The following ZNF469 variants were observed in gnomAD, a reference collection of about 807,000 sequenced individuals.
ZNF469 encodes the protein zinc finger protein 469.
A neutral mutation model predicts 1.0 loss-of-function variants in ZNF469; 1 was observed. That is an observed-to-expected ratio of 1.00 (90% confidence interval 0.35 to 4.73). The LOEUF is 4.73. ZNF469 is among the 30% of genes most tolerant of loss of function. The pLI is 0.16. For missense variants in ZNF469, 6,100 were observed against 5,356.3 expected, an observed-to-expected ratio of 1.14 and a Z score of -4.33; for synonymous variants, 2,703 against 2,363.4, an observed-to-expected ratio of 1.14 and a Z score of -4.17.
chr16:88,274,583 G>A, the ZNF469 span, among the ~76,000 whole-genome samples: 1 of 152,234 alleles, frequency 6.6e-6, no homozygotes, highest in South Asian at 2.1e-4. Context: ...GGGAGGGCAG[G>A]CCGTGTCCTG....
chr16:88,245,758 C>T, the ZNF469 span, among the ~76,000 whole-genome samples: 1 of 152,270 alleles, frequency 6.6e-6, no homozygotes, highest in Admixed American at 6.5e-5. Flanking sequence ...TTTGTTTACT[C>T]TGGATCAGAG....
chr16:88,335,653 C>T, the ZNF469 span, among the ~76,000 whole-genome samples: 1 of 152,242 alleles, frequency 6.6e-6, no homozygotes, highest in Non-Finnish European at 1.5e-5. Flanking sequence ...ATTAGCTCTG[C>T]CTCCTGATGG....
chr16:88,430,283 C>G lies in ZNF469; in HGVS notation c.2813C>G (p.Ala938Gly). Reference protein sequence around the residue: ...SLGLAPTEADAPSQGRQQRRG... With the variant: ...SLGLAPTEADGPSQGRQQRRG... ...GGTCTGGCCCCCACCGAGGCGGATG[C>G]GCCCAGCCAGGGCAGGCAGCAGAGG... Residue 938 changes from alanine to glycine, a missense_variant, in exon 3 of 3, where the codon GCG (alanine) becomes GGG (glycine). Ala to Gly is a moderately conservative substitution (Grantham distance 60, BLOSUM62 0). Coordinates refer to ENST00000565624, the MANE Select transcript of ZNF469 (RefSeq NM_001367624.2). 12 of 1,514,032 alleles carry G rather than the reference C, an allele frequency of 7.9e-6. No individual in the cohort carries two copies. Among genetic ancestry groups the G allele is most frequent in the Non-Finnish European group, 1.1e-5 (12 of 1,133,118 alleles). 93.8% of individuals were successfully genotyped at this position (1,514,032 alleles called of 1,614,324 possible).
the ZNF469 span, among the ~76,000 whole-genome samples, chr16:88,247,944 C>T: frequency 5.3e-5 from 8 of 152,214 alleles, no homozygotes; most frequent in Non-Finnish European, 7.3e-5. Context: ...ACCCTCGGAA[C>T]GTATAAGCAT....
chr16:88,118,240 G>C, the ZNF469 span, among the ~76,000 whole-genome samples: 141 of 152,342 alleles, frequency 9.3e-4, no homozygotes, highest in African/African-American at 3.4e-3. Context: ...ACTGCACCCG[G>C]CTCCTATCTT....
the ZNF469 span, among the ~76,000 whole-genome samples, chr16:88,264,537 C>T: frequency 2.0e-5 from 3 of 151,228 alleles, no homozygotes; most frequent in Admixed American, 2.0e-4. Flanking sequence ...ACCTGCTGAG[C>T]TCAGCCCTGG....
At chr16:88,210,971 T>C in the ZNF469 span, among the ~76,000 whole-genome samples, 1 of 152,272 alleles carries the variant, frequency 6.6e-6, no homozygotes, top group South Asian at 2.1e-4. Context: ...GGGGTTGCCT[T>C]AGCAGTAGGA....
At chr16:88,212,337 C>T in the ZNF469 span, among the ~76,000 whole-genome samples, 1 of 152,158 alleles carries the variant, frequency 6.6e-6, no homozygotes, top group Non-Finnish European at 1.5e-5. Context: ...CATGACTTCA[C>T]TTATACACAG....
chr16:88,103,115 G>A, the ZNF469 span, among the ~76,000 whole-genome samples: 5 of 152,224 alleles, frequency 3.3e-5, no homozygotes, highest in South Asian at 2.1e-4. Flanking sequence ...TGCAGTGGCC[G>A]GTTTCTGGCG....
chr16:88,162,840 A>G, the ZNF469 span, among the ~76,000 whole-genome samples: 2 of 152,356 alleles, frequency 1.3e-5, no homozygotes, highest in African/African-American at 4.8e-5. Context: ...TATTCACTCA[A>G]TTCAGCTATC....
At chr16:88,367,423 C>G in the ZNF469 span, among the ~76,000 whole-genome samples, 2 of 152,186 alleles carry the variant, frequency 1.3e-5, no homozygotes, top group Non-Finnish European at 2.9e-5. Context: ...GGCTCCAAAG[C>G]CTTCCTTCCC....
the ZNF469 span, among the ~76,000 whole-genome samples, chr16:88,183,948 G>T: frequency 6.6e-6 from 1 of 152,028 alleles, no homozygotes; most frequent in Non-Finnish European, 1.5e-5. Context: ...AGCCACTCGC[G>T]TCTTCCTGGG....
chr16:88,286,722 G>A, the ZNF469 span, among the ~76,000 whole-genome samples: 5 of 152,246 alleles, frequency 3.3e-5, no homozygotes, highest in Admixed American at 6.5e-5. Context: ...AGCTTTAGAA[G>A]GAACAGAAAA....
the ZNF469 span, among the ~76,000 whole-genome samples, chr16:88,170,852 G>A: frequency 3.3e-5 from 5 of 152,040 alleles, no homozygotes; most frequent in East Asian, 1.9e-4. The surrounding 1 kb of genome is among the most constrained non-coding windows in gnomAD (Gnocchi z 4.2). Context: ...TTTCCTCCCC[G>A]GAAGCTAACT....
the ZNF469 span, among the ~76,000 whole-genome samples, chr16:88,247,323 G>C: frequency 7.6e-6 from 1 of 131,842 alleles, no homozygotes; most frequent in African/African-American, 3.3e-5. Context: ...ATGAGTGAGT[G>C]AATGGTGAAT....
At position 88,439,489 on chromosome 16, in the gene ZNF469, T is replaced by C; in HGVS notation, c.*157T>C. On this transcript the variant is annotated 3_prime_UTR_variant, in exon 3 of 3. Transcript: ENST00000565624. Reference sequence around the variant, plus strand: ...TGTCAGAGCTGAGGTGGTGATGCTTTGAACAGGGCCCAGGTGGGCAGCATT... The same window carrying C: ...TGTCAGAGCTGAGGTGGTGATGCTTCGAACAGGGCCCAGGTGGGCAGCATT... The C allele has an allele frequency of 1.2e-6, 1 of 838,094 alleles. No homozygotes were observed. The highest frequency in any genetic ancestry group is 3.5e-4 in the Middle Eastern group (1 of 2,878). 51.9% of individuals were successfully genotyped at this position (838,094 alleles called of 1,614,324 possible). A position where few individuals can be genotyped will look rare whatever the true frequency, so the allele number is the denominator to read the frequency against.
At chr16:88,104,776 C>T in the ZNF469 span, among the ~76,000 whole-genome samples, 3 of 152,256 alleles carry the variant, frequency 2.0e-5, no homozygotes, top group Admixed American at 1.3e-4. Context: ...CCTGTCCCCA[C>T]AGCCTGATAA....
chr16:88,296,998 A>T, the ZNF469 span, among the ~76,000 whole-genome samples: 1 of 152,188 alleles, frequency 6.6e-6, no homozygotes, highest in East Asian at 1.9e-4. Flanking sequence ...CAATGCGTTC[A>T]AACTGTCTCT....
At position 88,432,794 on chromosome 16, in the gene ZNF469, G is replaced by C; in HGVS notation, c.5324G>C (p.Gly1775Ala). 1.3e-6 allele frequency: 2 copies of C among 1,550,352 alleles called. No homozygotes were observed. Among genetic ancestry groups the C allele is most frequent in the African/African-American group, 2.7e-5 (2 of 73,180 alleles). Residue 1775 changes from glycine (G) to alanine (A), a missense_variant, in exon 3 of 3, where the codon GGG becomes GCG. By Grantham distance (60) the Gly-to-Ala change is moderately conservative. Transcript: ENST00000565624. The part of the protein sequence containing the change: ...LRLLPCEQRG[G>A]FLPEPGTADQ... The stretch of plus-strand genomic sequence containing the variant: ...CTGCTTCCCTGTGAACAGAGAGGAG[G>C]GTTCCTCCCAGAGCCCGGCACAGCA...
Sources: allele counts gnomAD v4.1 joint callset (sites outside exome capture counted in the v4.1 genomes callset), GRCh38; gene constraint gnomAD v4.1.1; non-coding constraint Gnocchi (gnomAD v3.1); transcripts MANE v1.5; gene names NCBI Gene and HGNC (gene_info 2026-07-23, HGNC 2026-07-21).